The following BCL11A variants were observed in gnomAD, a reference collection of about 807,000 sequenced individuals.
The protein encoded by BCL11A is BCL11 transcription factor A, also known as B cell CLL/lymphoma 11A.
Under a neutral mutation model 55.9 loss-of-function variants are expected in BCL11A, and 2 were observed. That is an observed-to-expected ratio of 0.04 (90% confidence interval 0.01 to 0.11). The LOEUF is 0.11. BCL11A is among the 10% of genes least tolerant of loss of function. The pLI, the probability that BCL11A is intolerant of heterozygous loss-of-function variation, is 1.00. For missense variants in BCL11A, 817 were observed against 1,137.1 expected, an observed-to-expected ratio of 0.72 and a Z score of 4.05; for synonymous variants, 465 against 473.4, an observed-to-expected ratio of 0.98 and a Z score of 0.23.
chr2:60,530,881 T>C (rs1218568505), intron 2 of BCL11A, among the ~76,000 whole-genome samples: 1 of 152,102 alleles, frequency 6.6e-6, no homozygotes, highest in African/African-American at 2.4e-5. Context: ...TCCTAAAAAC[T>C]AGACATCGAT....
rs548454789 is a variant in BCL11A, at chr2:60,510,854, A to AC, written c.385+35116dup. Among the ~76,000 whole-genome samples, 183 of 152,312 alleles carry AC rather than the reference A, an allele frequency of 1.2e-3. 1 individual carries two copies. Among genetic ancestry groups the AC allele is most frequent in the Non-Finnish European group, 2.3e-3 (157 of 68,018 alleles). On this transcript the variant is annotated intron_variant, in intron 2 of 3. Transcript: ENST00000642384. ...TTCCATTTTCCCCACAGGCCCTGAG[A>AC]CCCACAGGGAAGAGCTTTTGCATTA...
At chr2:60,480,666 T>C (rs1186852799) in intron 2 of BCL11A, among the ~76,000 whole-genome samples, 1 of 152,230 alleles carries the variant, frequency 6.6e-6, no homozygotes, top group Non-Finnish European at 1.5e-5. Context: ...ATGGTTGTTA[T>C]GGACAATCAG....
chr2:60,552,895 G>T (rs1024913832), intron 1 of BCL11A, among the ~76,000 whole-genome samples: 18 of 152,194 alleles, frequency 1.2e-4, no homozygotes, highest in African/African-American at 4.1e-4. Flanking sequence ...GGCGGGGCGG[G>T]GGGGGAGTGG....
intron 2 of BCL11A, among the ~76,000 whole-genome samples, chr2:60,470,761 G>C (rs1677150438): frequency 1.3e-5 from 2 of 152,220 alleles, no homozygotes; most frequent in South Asian, 4.1e-4. Flanking sequence ...GTGTGGCAAA[G>C]TGAGGTCTCA....
At position 60,460,064 on chromosome 2, in the gene BCL11A, ACAC is replaced by A; in HGVS notation, c.*337_*339del. ...GCTGTCTAAGTTTAAAAAAAAACAT[ACAC>A]AACATGTAAATTATTGCACAAGAGA... On this transcript the variant is annotated 3_prime_UTR_variant, in exon 4 of 4. Coordinates refer to ENST00000642384, the MANE Select transcript of BCL11A (RefSeq NM_022893.4). The A allele has an allele frequency of 1.8e-6, 2 of 1,094,846 alleles. No individual in the cohort carries two copies. The highest frequency in any genetic ancestry group is 2.2e-6 in the Non-Finnish European group (2 of 899,600). The allele number at this position is 1,094,846 out of a possible 1,614,324, so 67.8% of individuals were successfully genotyped here.
At chr2:60,490,576 T>C (rs1192895911) in intron 2 of BCL11A, among the ~76,000 whole-genome samples, 2 of 152,222 alleles carry the variant, frequency 1.3e-5, no homozygotes, top group Non-Finnish European at 2.9e-5. Context: ...GCAAGAAGAA[T>C]CAATCTCATC....
chr2:60,458,408 T>C lies in BCL11A; in HGVS notation c.*1996A>G, dbSNP rs1676046080. Reference sequence around the variant, plus strand: ...CTAAAATGCAGTTCCCCCCTAAACATAATGAAGTGTTTTTTAAAAAAAATT... The same window carrying C: ...CTAAAATGCAGTTCCCCCCTAAACACAATGAAGTGTTTTTTAAAAAAAATT... On this transcript the variant is annotated 3_prime_UTR_variant, in exon 4 of 4. Coordinates refer to ENST00000642384, the MANE Select transcript of BCL11A (RefSeq NM_022893.4). The C allele has an allele frequency of 2.0e-6, 2 of 1,020,022 alleles. No individual in the cohort carries two copies. Among genetic ancestry groups the C allele is most frequent in the Non-Finnish European group, 2.4e-6 (2 of 849,470 alleles). The allele number at this position is 1,020,022 out of a possible 1,614,324, so 63.2% of individuals were successfully genotyped here. A position where few individuals can be genotyped will look rare whatever the true frequency, so the allele number is the denominator to read the frequency against.
At chr2:60,451,128 G>A (rs774292110), downstream of BCL11A, 3 of 183,504 alleles carry the variant, frequency 1.6e-5, no homozygotes, top group Non-Finnish European at 2.3e-5. Context: ...AATAATGCAC[G>A]AGACAGCACT....
intron 2 of BCL11A, among the ~76,000 whole-genome samples, chr2:60,505,173 C>A (rs1337937001): frequency 6.6e-6 from 1 of 152,168 alleles, no homozygotes; most frequent in Non-Finnish European, 1.5e-5. Flanking sequence ...TTATCCGTAT[C>A]CTCATTACTA....
intron 2 of BCL11A, among the ~76,000 whole-genome samples, chr2:60,473,961 A>G (rs573168206): frequency 6.6e-6 from 1 of 152,344 alleles, no homozygotes; most frequent in African/African-American, 2.4e-5. Flanking sequence ...GCAAAAACAA[A>G]AGAAAGCAAT....
At chr2:60,456,775 A>G (rs1419722189), downstream of BCL11A, among the ~76,000 whole-genome samples, 2 of 152,196 alleles carry the variant, frequency 1.3e-5, no homozygotes, top group Non-Finnish European at 2.9e-5. Context: ...AATCTTTTTT[A>G]CATTATGTTC....
intron 2 of BCL11A, among the ~76,000 whole-genome samples, chr2:60,483,531 G>A (rs529835126): frequency 6.6e-6 from 1 of 152,340 alleles, no homozygotes; most frequent in South Asian, 2.1e-4. Flanking sequence ...TGCTGTCTAT[G>A]TCATGTGTTT....
intron 2 of BCL11A, among the ~76,000 whole-genome samples, chr2:60,471,340 T>C (rs1036658394): frequency 2.0e-5 from 3 of 152,260 alleles, no homozygotes; most frequent in African/African-American, 7.2e-5. Flanking sequence ...CCCTTGCATT[T>C]ATCTTCCTTC....
intron 2 of BCL11A, among the ~76,000 whole-genome samples, chr2:60,509,320 G>T (rs1027264649): frequency 6.6e-6 from 1 of 152,344 alleles, no homozygotes; most frequent in East Asian, 1.9e-4. Flanking sequence ...CCAGAAATGG[G>T]GAAAGGGAGG....
intron 1 of BCL11A, among the ~76,000 whole-genome samples, chr2:60,549,281 T>C (rs574556320): frequency 2.0e-5 from 3 of 152,142 alleles, no homozygotes; most frequent in Non-Finnish European, 2.9e-5. Context: ...ATAATCCTTA[T>C]AGGAAATGTT....
At chr2:60,524,389 T>C (rs1190197856) in intron 2 of BCL11A, 1 of 152,200 alleles carries the variant, frequency 6.6e-6, no homozygotes, top group Non-Finnish European at 1.5e-5. Context: ...GTAGAGCCTC[T>C]GGGGGGCTGC....
chr2:60,493,089 C>T (rs948443509), intron 2 of BCL11A, among the ~76,000 whole-genome samples: 2 of 152,130 alleles, frequency 1.3e-5, no homozygotes, highest in African/African-American at 4.8e-5. Context: ...TACAGGATAT[C>T]GTCTTTTGTG....
intron 2 of BCL11A, chr2:60,526,987 A>G (rs1264224354): frequency 2.6e-5 from 4 of 152,206 alleles, no homozygotes; most frequent in African/African-American, 7.2e-5. Flanking sequence ...CTCATCCAAC[A>G]GCCTCTTAAC....
At chr2:60,504,271 C>T (rs535928499) in intron 2 of BCL11A, among the ~76,000 whole-genome samples, 3 of 152,234 alleles carry the variant, frequency 2.0e-5, no homozygotes, top group Non-Finnish European at 4.4e-5. Flanking sequence ...CATGCAGGAT[C>T]AATGATGAAG....
Sources: allele counts gnomAD v4.1 joint callset (sites outside exome capture counted in the v4.1 genomes callset), GRCh38; gene constraint gnomAD v4.1.1; transcripts MANE v1.5; gene names NCBI Gene and HGNC (gene_info 2026-07-23, HGNC 2026-07-21).